Variants in NXPH1 observed in about 807,000 individuals in gnomAD.
NXPH1 encodes the protein neurexophilin-1.
In NXPH1, 5 loss-of-function variants were observed where a neutral mutation model predicts 23.7. That is an observed-to-expected ratio of 0.21 (90% CI 0.11 to 0.44). The LOEUF is 0.44. NXPH1 is among the 20% of genes least tolerant of loss of function. NXPH1 has a pLI of 0.99. For synonymous variants in NXPH1, 144 were observed against 122.2 expected (o/e 1.18, Z -1.18); for missense variants, 324 against 321.6 (o/e 1.01, Z -0.06).
At chr7:8,735,079 A>G (rs962819532) in intron 2 of NXPH1, among the ~76,000 whole-genome samples, 1 of 152,214 alleles carries the variant, frequency 6.6e-6, no homozygotes, top group Non-Finnish European at 1.5e-5. Context: ...AAATCATGTC[A>G]TCTGCAAACA....
chr7:8,560,992 T>C (rs191977109), intron 2 of NXPH1, among the ~76,000 whole-genome samples: 1 of 151,668 alleles, frequency 6.6e-6, no homozygotes, highest in East Asian at 2.0e-4. Context: ...CAAGCCCCTC[T>C]GGATTGAAAT....
chr7:8,576,278 C>G (rs1170347689), intron 2 of NXPH1, among the ~76,000 whole-genome samples: 1 of 152,074 alleles, frequency 6.6e-6, no homozygotes, highest in East Asian at 1.9e-4. Context: ...ACTGGGAGCA[C>G]AATAATGACC....
At chr7:8,526,882 A>T (rs1245760603) in intron 2 of NXPH1, among the ~76,000 whole-genome samples, 1 of 152,162 alleles carries the variant, frequency 6.6e-6, no homozygotes, top group Non-Finnish European at 1.5e-5. Flanking sequence ...CAGCAGAAGT[A>T]AGGCACAGGT....
intron 2 of NXPH1, among the ~76,000 whole-genome samples, chr7:8,618,682 G>A (rs73676099): frequency 6.6e-6 from 1 of 152,126 alleles, no homozygotes; most frequent in Non-Finnish European, 1.5e-5. Context: ...CTAATGCATT[G>A]TTTCCTTAGA....
chr7:8,710,444 C>T (rs1779769386), intron 2 of NXPH1, among the ~76,000 whole-genome samples: 1 of 152,138 alleles, frequency 6.6e-6, no homozygotes, highest in African/African-American at 2.4e-5. Context: ...TCTCTGTCTT[C>T]TGCAACTCAT....
intron 2 of NXPH1, among the ~76,000 whole-genome samples, chr7:8,721,542 G>A (rs188765100): frequency 2.0e-5 from 3 of 152,272 alleles, no homozygotes; most frequent in African/African-American, 4.8e-5. Flanking sequence ...TTGGGAGGCC[G>A]AGGTGGGTGG....
intron 2 of NXPH1, among the ~76,000 whole-genome samples, chr7:8,599,911 G>A (rs979031874): frequency 6.7e-6 from 1 of 150,300 alleles, no homozygotes; most frequent in Non-Finnish European, 1.5e-5. Context: ...GTCATATTAC[G>A]ATAACTATGC....
chr7:8,445,844 C>T (rs554985764), intron 2 of NXPH1, among the ~76,000 whole-genome samples: 57 of 152,316 alleles, frequency 3.7e-4, no homozygotes, highest in South Asian at 1.2e-3. Flanking sequence ...TGACATTGCA[C>T]TGTTGTCCTG....
intron 2 of NXPH1, among the ~76,000 whole-genome samples, chr7:8,669,873 T>C (rs1435439612): frequency 1.3e-5 from 2 of 152,196 alleles, no homozygotes; most frequent in Admixed American, 6.5e-5. Flanking sequence ...TTTTCACCTG[T>C]TTCCTTAGCT....
At chr7:8,493,936 T>C (rs1277057183) in intron 2 of NXPH1, among the ~76,000 whole-genome samples, 1 of 152,062 alleles carries the variant, frequency 6.6e-6, no homozygotes, top group African/African-American at 2.4e-5. Flanking sequence ...ATGTTTTTGT[T>C]CACTCAAATA....
chr7:8,613,353 C>G (rs1049090572), intron 2 of NXPH1, among the ~76,000 whole-genome samples: 3 of 151,956 alleles, frequency 2.0e-5, no homozygotes, highest in Admixed American at 6.6e-5. Context: ...AAGAGAATCT[C>G]TATGCTCACT....
chr7:8,719,818 T>C (rs1294531236), intron 2 of NXPH1, among the ~76,000 whole-genome samples: 4 of 152,170 alleles, frequency 2.6e-5, no homozygotes, highest in African/African-American at 7.2e-5. Flanking sequence ...TATAATTGTA[T>C]TGATTATTAA....
rs549146860 is a variant in NXPH1 at position 8,729,159 on chromosome 7, T to C, written c.55-21849T>C. 2.0e-5 allele frequency among the ~76,000 whole-genome samples: 3 copies of C among 151,714 alleles called. No homozygotes were observed. In the South Asian group the frequency reaches 6.2e-4, roughly 31 times the overall value. On this transcript the variant is annotated intron_variant, in intron 2 of 2. Coordinates refer to ENST00000405863, the MANE Select transcript of NXPH1 (RefSeq NM_152745.3). The stretch of plus-strand genomic sequence containing the variant: ...TTTATAGTATTCTCTGATGGTAGTT[T>C]GTATTTCTGTGGGATCGGTGGTGAT...
At position 8,695,250 on chromosome 7, in the gene NXPH1, G is replaced by A. The variant is rs557902085; in HGVS notation, c.55-55758G>A. Among the ~76,000 whole-genome samples the A allele has an allele frequency of 3.2e-4, 49 of 152,264 alleles. 2 individuals carry two copies. The South Asian group carries it at 9.8e-3, about 30-fold the overall frequency. On this transcript the variant is annotated intron_variant, in intron 2 of 2. Transcript: ENST00000405863. The stretch of plus-strand genomic sequence containing the variant: ...AGGTCTTTGAAGTTTACTGTCTCAT[G>A]TAATCCTCCCCACCTTCTTAAGAGT...
At chr7:8,600,799 C>G (rs1241016395) in intron 2 of NXPH1, among the ~76,000 whole-genome samples, 2 of 152,056 alleles carry the variant, frequency 1.3e-5, no homozygotes, top group African/African-American at 4.8e-5. Flanking sequence ...AATGCAAACA[C>G]TTTGTTTAAA....
intron 2 of NXPH1, among the ~76,000 whole-genome samples, chr7:8,702,591 T>C (rs1405271472): frequency 6.6e-6 from 1 of 152,130 alleles, no homozygotes; most frequent in Non-Finnish European, 1.5e-5. Flanking sequence ...TAAGATTATC[T>C]ATGAGTTTCA....
intron 2 of NXPH1, among the ~76,000 whole-genome samples, chr7:8,537,157 T>C (rs762474720): frequency 1.3e-5 from 2 of 151,974 alleles, no homozygotes; most frequent in Non-Finnish European, 2.9e-5. Context: ...GTCTCTCAAT[T>C]ACCTGGACGG....
intron 2 of NXPH1, among the ~76,000 whole-genome samples, chr7:8,592,525 T>C (rs1362946930): frequency 1.3e-5 from 2 of 152,070 alleles, no homozygotes; most frequent in African/African-American, 2.4e-5. Flanking sequence ...GCAATCATCA[T>C]ATTTACTGTT....
chr7:8,440,893 C>A (rs563063496), intron 2 of NXPH1, among the ~76,000 whole-genome samples: 2 of 152,142 alleles, frequency 1.3e-5, no homozygotes, highest in East Asian at 3.9e-4. Context: ...TCTGAAGAGC[C>A]CTCAAATAAT....
Sources: allele counts gnomAD v4.1 joint callset (sites outside exome capture counted in the v4.1 genomes callset), GRCh38; gene constraint gnomAD v4.1.1; transcripts MANE v1.5; gene names NCBI Gene and HGNC (gene_info 2026-07-23, HGNC 2026-07-21).